PHC1: variants seen among roughly 807,000 people sequenced by gnomAD.
PHC1 encodes polyhomeotic-like protein 1.
A neutral mutation model predicts 104.3 loss-of-function variants in PHC1; 12 were observed. The observed-to-expected ratio is 0.12, with a 90% CI of 0.07 to 0.19. The LOEUF is 0.19. Ranked by LOEUF, PHC1 falls within the 10% of genes least tolerant of loss-of-function variation. PHC1 has a pLI of 1.00. For missense variants in PHC1, 671 were observed against 1,200.0 expected (o/e 0.56, Z 6.51); for synonymous variants, 302 against 455.8 (o/e 0.66, Z 4.30).
intron 6 of PHC1, among the ~76,000 whole-genome samples, chr12:8,926,298 T>C (rs1945508322): frequency 6.6e-6 from 1 of 152,188 alleles, no homozygotes; most frequent in Non-Finnish European, 1.5e-5. Flanking sequence ...TCTACTAAAT[T>C]AGTTTACTCT....
At chr12:8,927,933 C>T in intron 6 of PHC1, among the ~76,000 whole-genome samples, 1 of 103,978 alleles carries the variant, frequency 9.6e-6, no homozygotes, top group African/African-American at 3.8e-5. Flanking sequence ...TTTTTTGAGA[C>T]AGAGTCTCTG....
upstream of PHC1, chr12:8,914,466 G>C (rs1022950750): frequency 6.7e-6 from 1 of 150,144 alleles, no homozygotes; most frequent in Non-Finnish European, 1.5e-5. Flanking sequence ...GCGGGGGGGG[G>C]GTCCGGCTGC....
chr12:8,916,816 A>G (rs941065635), intron 1 of PHC1, among the ~76,000 whole-genome samples: 2 of 152,168 alleles, frequency 1.3e-5, no homozygotes, highest in Non-Finnish European at 2.9e-5. Context: ...GGTATAAGGA[A>G]GGAAAGCAAC....
At position 8,934,319 on chromosome 12, in the gene PHC1, A is replaced by C. The variant is rs1405857109; in HGVS notation, c.2094A>C (p.Leu698=). Residue 698 remains leucine, a synonymous_variant, in exon 10 of 15, where the codon CTA becomes CTC. Transcript: ENST00000544916. ...NVNANTPSSE[L]VALTPAPSVP... is the part of the protein sequence containing the mutation. ...ATGCTAATACTCCAAGCAGTGAACT[A>C]GTAGCCTTGACCCCCGCCCCTTCAG... 1 of 1,614,040 alleles carries C rather than the reference A, an allele frequency of 6.2e-7. No individual in the cohort carries two copies. Among genetic ancestry groups the C allele is most frequent in the Non-Finnish European group, 8.5e-7 (1 of 1,180,018 alleles).
chr12:8,935,169 A>T lies in PHC1; in HGVS notation c.2299A>T (p.Thr767Ser). Reference protein sequence around the residue: ...LLKESEKPLQTGLPTGLTENQ... With the variant: ...LLKESEKPLQSGLPTGLTENQ... ...GAAGGAGTCTGAGAAGCCACTACAGACTGGCCTTCCGACAGGGCTGACTGA... is the reference window on the plus strand; with the variant it reads ...GAAGGAGTCTGAGAAGCCACTACAGTCTGGCCTTCCGACAGGGCTGACTGA... Residue 767 changes from threonine to serine, a missense_variant, in exon 11 of 15, where the codon ACT becomes TCT. Thr to Ser is a moderately conservative substitution (Grantham distance 58). Around this residue, in one of 9 missense-constraint regions of PHC1, gnomAD observed 192 missense variants for 280.5 expected, o/e 0.68. Coordinates refer to ENST00000544916, the MANE Select transcript of PHC1 (RefSeq NM_004426.3). 3 of 1,593,616 alleles carry T rather than the reference A, an allele frequency of 1.9e-6. No homozygotes were observed. The highest frequency in any genetic ancestry group is 2.6e-6 in the Non-Finnish European group (3 of 1,167,280).
At chr12:8,927,288 A>G (rs777785293) in intron 6 of PHC1, among the ~76,000 whole-genome samples, 5 of 152,168 alleles carry the variant, frequency 3.3e-5, no homozygotes, top group Non-Finnish European at 7.4e-5. Context: ...GCTGGTGGGA[A>G]TGAATACAGT....
chr12:8,915,087 C>T (rs1198842828), intron 1 of PHC1: 1 of 152,502 alleles, frequency 6.6e-6, no homozygotes, highest in Admixed American at 6.5e-5. Context: ...TTCATTTTTC[C>T]TTCTCTGACT....
chr12:8,936,370 A>G (rs974874466), intron 11 of PHC1, among the ~76,000 whole-genome samples: 4 of 152,156 alleles, frequency 2.6e-5, no homozygotes, highest in Non-Finnish European at 5.9e-5. Flanking sequence ...TGACAGAGTG[A>G]GACTGTCTCA....
chr12:8,917,918 G>A (rs1314448893), intron 2 of PHC1, 127 bp downstream of exon 2: 1 of 606,190 alleles, frequency 1.6e-6, no homozygotes, highest in Non-Finnish European at 2.9e-6. Context: ...TGATGACTAA[G>A]CTGTCTTCCA....
At position 8,921,705 on chromosome 12, in the gene PHC1, C is replaced by T; in HGVS notation, c.411C>T (p.Thr137=). The T allele has an allele frequency of 6.2e-7, 1 of 1,612,692 alleles. No homozygotes were observed. Among genetic ancestry groups the T allele is most frequent in the East Asian group, 2.2e-5 (1 of 44,798 alleles). Residue 137 remains threonine (T), a synonymous_variant, in exon 5 of 15, where the codon ACC becomes ACT. Transcript: ENST00000544916. ...CCCAATCTGTGCTACTGGGGAACAC[C>T]ACCTCCCCACCCCTCAACCAGTCTC... ...TLTQSVLLGN[T]TSPPLNQSQA...
chr12:8,937,259 G>T lies in PHC1; in HGVS notation c.2561G>T (p.Arg854Leu), dbSNP rs780042534. ...CAAGAAGCCAACTATGCTCGCGTTCGCAGGCGTGGACCCCGCCGCAGCTCC... is the reference window on the plus strand; with the variant it reads ...CAAGAAGCCAACTATGCTCGCGTTCTCAGGCGTGGACCCCGCCGCAGCTCC... ...EFQEANYARV[R>L]RRGPRRSSSD... Residue 854 changes from arginine (R) to leucine (L), a missense_variant, in exon 13 of 15, where the codon CGC becomes CTC. Around this residue, in one of 9 missense-constraint regions of PHC1, gnomAD observed 192 missense variants for 280.5 expected, o/e 0.68. Transcript: ENST00000544916. 1 of 1,612,672 alleles carries T rather than the reference G, an allele frequency of 6.2e-7. No homozygotes were observed. The highest frequency in any genetic ancestry group is 8.5e-7 in the Non-Finnish European group (1 of 1,179,252).
chr12:8,927,062 A>G (rs1945533349), intron 6 of PHC1, among the ~76,000 whole-genome samples: 1 of 152,240 alleles, frequency 6.6e-6, no homozygotes, highest in South Asian at 2.1e-4. Flanking sequence ...GGGAAAGAGC[A>G]GCAGATAGGA....
intron 6 of PHC1, among the ~76,000 whole-genome samples, chr12:8,929,711 G>A (rs1027513539): frequency 6.6e-6 from 1 of 151,830 alleles, no homozygotes; most frequent in Non-Finnish European, 1.5e-5. Context: ...GTATTTTTTT[G>A]TAGAGGCAGT....
rs780971297 is a variant in PHC1, at chr12:8,917,369, TTTTA to T, written c.-48-256_-48-253del. Among the ~76,000 whole-genome samples the T allele has an allele frequency of 3.2e-4, 48 of 152,322 alleles. 1 individual carries two copies. The East Asian group carries it at 5.0e-3, about 16-fold the overall frequency. ...AAGGTGCCATCTCACATTCTGGCCG[TTTTA>T]TTTAATGACAGCCATGAGGGAATAC... On this transcript the variant is annotated intron_variant, in intron 1 of 14. Transcript: ENST00000544916.
At chr12:8,932,006 G>T (rs982539605) in intron 7 of PHC1, among the ~76,000 whole-genome samples, 1 of 152,214 alleles carries the variant, frequency 6.6e-6, no homozygotes, top group Non-Finnish European at 1.5e-5. Flanking sequence ...GAGCTGACAG[G>T]TGCTGACTCT....
chr12:8,919,947 G>A lies in PHC1; in HGVS notation c.225+81G>A. On this transcript the variant is annotated intron_variant, in intron 3 of 14. Coordinates refer to ENST00000544916, the MANE Select transcript of PHC1 (RefSeq NM_004426.3). This position sits in a 1 kb window ranked among gnomAD's most constrained non-coding sequence, Gnocchi z 4.9. ...GTAGGGGAGATTTTTTGGGCATATA[G>A]CATCCTATACTAAGCCAGGCTGCAG... 1 of 1,551,968 alleles carries A rather than the reference G, an allele frequency of 6.4e-7. No individual in the cohort carries two copies. The highest frequency in any genetic ancestry group is 1.2e-5 in the South Asian group (1 of 84,102).
intron 5 of PHC1, among the ~76,000 whole-genome samples, 164 bp downstream of exon 5, chr12:8,921,914 A>G (rs1251077904): frequency 6.6e-6 from 1 of 152,202 alleles, no homozygotes; most frequent in African/African-American, 2.4e-5. Context: ...CCCAGGTTCC[A>G]GCGATTCTCC....
intron 3 of PHC1, among the ~76,000 whole-genome samples, 159 bp from the exon 4 acceptor site, chr12:8,920,826 C>T (rs2137064861): frequency 6.6e-6 from 1 of 152,304 alleles, no homozygotes; most frequent in Middle Eastern, 3.4e-3. Flanking sequence ...ATGTGAGGAT[C>T]ACTGGACTAG....
intron 6 of PHC1, among the ~76,000 whole-genome samples, chr12:8,929,814 C>T (rs1032701355): frequency 4.6e-5 from 7 of 152,158 alleles, no homozygotes; most frequent in African/African-American, 1.7e-4. Flanking sequence ...GTCATAGCGC[C>T]CAGCCTAAAT....
Sources: allele counts gnomAD v4.1 joint callset (sites outside exome capture counted in the v4.1 genomes callset), GRCh38; gene constraint gnomAD v4.1.1; regional missense constraint gnomAD v4.1.1; non-coding constraint Gnocchi (gnomAD v3.1); transcripts MANE v1.5; gene names NCBI Gene and HGNC (gene_info 2026-07-23, HGNC 2026-07-21).